Variants in PRCP observed in about 807,000 individuals in gnomAD.
The protein encoded by PRCP is lysosomal Pro-X carboxypeptidase.
PRCP carries 46 observed loss-of-function variants against 54.2 expected under a neutral mutation model. That is an observed-to-expected ratio of 0.85 (90% CI 0.67 to 1.09). The LOEUF (loss-of-function observed/expected upper bound fraction) is 1.09. Ranked by LOEUF, PRCP falls within the 50% of genes least tolerant of loss-of-function variation. The pLI is 0.00. For missense variants in PRCP, 613 were observed against 596.8 expected, an observed-to-expected ratio of 1.03 and a Z score of -0.28; for synonymous variants, 240 against 212.2, an observed-to-expected ratio of 1.13 and a Z score of -1.14.
At chr11:82,891,649 C>T (rs1238051540) in intron 1 of PRCP, among the ~76,000 whole-genome samples, 1 of 152,188 alleles carries the variant, frequency 6.6e-6, no homozygotes, top group Non-Finnish European at 1.5e-5. Flanking sequence ...GTTCCTCCCA[C>T]TGAGCACACA....
chr11:82,852,960 G>A (rs1858991902), intron 3 of PRCP, among the ~76,000 whole-genome samples: 1 of 151,976 alleles, frequency 6.6e-6, no homozygotes, highest in Admixed American at 6.6e-5. Context: ...GAGGCACACA[G>A]AGTTAAAAAC....
chr11:82,828,063 T>G (rs543568997), intron 8 of PRCP: 1 of 152,206 alleles, frequency 6.6e-6, no homozygotes, highest in Non-Finnish European at 1.5e-5. Context: ...ATTGCATTCG[T>G]GTTTACAAAG....
intron 8 of PRCP, 85 bp downstream of exon 8, chr11:82,838,302 T>C (rs1858574031): frequency 7.8e-7 from 1 of 1,276,208 alleles, no homozygotes; most frequent in Non-Finnish European, 1.1e-6. Context: ...TGTTATATTG[T>C]CCAGCATTTC....
intron 8 of PRCP, chr11:82,835,482 T>G (rs1446107931): frequency 4.4e-6 from 1 of 225,594 alleles, no homozygotes; most frequent in Non-Finnish European, 8.7e-6. Context: ...CGAGTTCCCA[T>G]GTGCTAAGCC....
chr11:82,860,040 AT>A lies in PRCP; in HGVS notation c.245del (p.Asn82MetfsTer32), dbSNP rs375587143. ...YLVADKYWKK[N>X]GGSILFYTGN... ...CAGTGTAGAAAAGTATTGATCCACC[AT>A]TTTTCTTCCAGTATTTATCAGCTAC... On this transcript the variant is annotated frameshift_variant, in exon 2 of 9. Transcript: ENST00000313010. LOFTEE classifies it high-confidence loss of function. 6.9e-6 allele frequency: 11 copies of A among 1,592,122 alleles called. No individual in the cohort carries two copies. The African/African-American group carries it at 1.1e-4, about 16-fold the overall frequency.
chr11:82,847,002 C>A (rs553858109), intron 6 of PRCP, among the ~76,000 whole-genome samples: 1 of 152,328 alleles, frequency 6.6e-6, no homozygotes, highest in South Asian at 2.1e-4. Flanking sequence ...CAGCCATCCT[C>A]AATTGTTTAT....
intron 1 of PRCP, 128 bp downstream of exon 1, chr11:82,900,107 G>T: frequency 8.0e-7 from 1 of 1,244,012 alleles, no homozygotes; most frequent in Non-Finnish European, 1.1e-6. Flanking sequence ...GAAGATGTTA[G>T]CCAAAAACCG....
At chr11:82,874,903 C>G (rs1859568712) in intron 1 of PRCP, among the ~76,000 whole-genome samples, 1 of 151,874 alleles carries the variant, frequency 6.6e-6, no homozygotes. Context: ...AGCATTCCTG[C>G]CTTCTTTGTG....
At chr11:82,844,732 C>CAAA (rs11284339) in intron 6 of PRCP, among the ~76,000 whole-genome samples, 20 of 91,078 alleles carry the variant, frequency 2.2e-4, no homozygotes, top group South Asian at 3.7e-4. Context: ...GGCTCCGTCT[C>CAAA]AAAAAAAAAA....
At chr11:82,830,022 G>C (rs995744211) in intron 8 of PRCP, 2 of 152,120 alleles carry the variant, frequency 1.3e-5, no homozygotes, top group Non-Finnish European at 2.9e-5. Context: ...GAATGACTTT[G>C]GGTAAGTTAC....
intron 2 of PRCP, among the ~76,000 whole-genome samples, chr11:82,855,330 A>C (rs914557541): frequency 4.6e-5 from 7 of 152,300 alleles, no homozygotes; most frequent in African/African-American, 1.7e-4. Flanking sequence ...TAAATTTACA[A>C]GAAAAGGGCC....
rs1260981031 is a variant in PRCP, at chr11:82,836,965, G to A, written c.1274+1422C>T. 8 of 316,594 alleles carry A rather than the reference G, an allele frequency of 2.5e-5. No homozygotes were observed. In the East Asian group the frequency reaches 9.3e-4, roughly 37 times the overall value. 19.6% of individuals were successfully genotyped at this position (316,594 alleles called of 1,614,324 possible). A position where few individuals can be genotyped will look rare whatever the true frequency, so the allele number is the denominator to read the frequency against. On this transcript the variant is annotated intron_variant, in intron 8 of 8. Coordinates refer to ENST00000313010, the MANE Select transcript of PRCP (RefSeq NM_005040.4). ...AAAATGTCTTGAGGAGATATATCAA[G>A]GAATATGTCATTTAAGTTATGGGGC...
intron 1 of PRCP, chr11:82,884,704 A>G: frequency 7.0e-7 from 1 of 1,421,884 alleles, no homozygotes. Context: ...TGGAAAAAGA[A>G]GAGAATTTGC....
chr11:82,836,740 G>A (rs1379574551), intron 8 of PRCP: 1 of 226,774 alleles, frequency 4.4e-6, no homozygotes, highest in Non-Finnish European at 8.9e-6. Flanking sequence ...TAGAGATGGG[G>A]TTTCACCATG....
At chr11:82,838,669 G>A in intron 7 of PRCP, 95 bp from the exon 8 acceptor site, 1 of 1,288,928 alleles carries the variant, frequency 7.8e-7, no homozygotes, top group South Asian at 1.5e-5. Flanking sequence ...AAGTAGTGAA[G>A]GCAGGGTTTG....
At chr11:82,850,589 T>A in intron 3 of PRCP, 84 bp from the exon 4 acceptor site, 2 of 1,104,718 alleles carry the variant, frequency 1.8e-6, no homozygotes, top group Middle Eastern at 2.5e-4. Flanking sequence ...AGAGAGCCAG[T>A]GTCAGATAAG....
intron 2 of PRCP, chr11:82,858,358 C>T (rs1383452100): frequency 6.6e-6 from 1 of 152,226 alleles, no homozygotes; most frequent in African/African-American, 2.4e-5. Context: ...CTCTCGACCA[C>T]TGTGTGATGC....
At chr11:82,870,799 T>C (rs1859461131) in intron 1 of PRCP, among the ~76,000 whole-genome samples, 1 of 152,108 alleles carries the variant, frequency 6.6e-6, no homozygotes, top group Non-Finnish European at 1.5e-5. Context: ...AATGGTTGGA[T>C]AAAACTAGGA....
intron 1 of PRCP, among the ~76,000 whole-genome samples, chr11:82,869,782 T>C (rs1859435535): frequency 6.6e-6 from 1 of 152,214 alleles, no homozygotes. Context: ...TGCAGGTTCA[T>C]TTATTGGGTG....
Sources: gnomAD v4.1 joint callset for allele counts (sites outside exome capture counted in the v4.1 genomes callset) on GRCh38, gnomAD v4.1.1 for gene constraint, MANE v1.5 for transcripts, NCBI Gene and HGNC (gene_info 2026-07-23, HGNC 2026-07-21) for gene names.